The following SLC14A2 variants were observed in gnomAD, a reference collection of about 807,000 sequenced individuals.
SLC14A2 encodes the protein solute carrier family 14 member 2, also known as urea transporter 2.
A neutral mutation model predicts 104.6 loss-of-function variants in SLC14A2; 91 were observed. The ratio of observed to expected loss-of-function variants is 0.87; its 90% confidence interval spans 0.73 to 1.04. The LOEUF (loss-of-function observed/expected upper bound fraction) is 1.04, where lower values mean the gene tolerates loss of function less well. Ranked by LOEUF, SLC14A2 falls within the 50% of genes least tolerant of loss-of-function variation. The probability of loss-of-function intolerance (pLI) is 0.00; values close to 1 mark genes in which losing one functional copy is unlikely to be tolerated. For synonymous variants in SLC14A2, 476 were observed against 466.4 expected (o/e 1.02, Z -0.27); for missense variants, 1,189 against 1,156.0 (o/e 1.03, Z -0.41).
intron 1 of SLC14A2, among the ~76,000 whole-genome samples, chr18:45,303,505 G>A (rs1267496768): frequency 6.6e-6 from 1 of 152,176 alleles, no homozygotes; most frequent in Non-Finnish European, 1.5e-5. Context: ...GCAAGACAGG[G>A]CCTCATGTGG....
chr18:45,580,086 C>T (rs2044467855), intron 2 of SLC14A2, among the ~76,000 whole-genome samples: 1 of 151,982 alleles, frequency 6.6e-6, no homozygotes, highest in Admixed American at 6.6e-5. Context: ...GCCACAATAC[C>T]TCAATCCTTA....
At chr18:45,348,144 C>T (rs1008557098) in intron 1 of SLC14A2, among the ~76,000 whole-genome samples, 3 of 152,206 alleles carry the variant, frequency 2.0e-5, no homozygotes, top group African/African-American at 4.8e-5. Context: ...CTGCTTAACT[C>T]TTCTACCAGG....
In SLC14A2 at chr18:45,541,273, G is replaced by T. The variant is rs148119838; in HGVS notation, c.-35+57951G>T. 9.8e-4 allele frequency among the ~76,000 whole-genome samples: 149 copies of T among 152,348 alleles called. 1 individual carries two copies. Among genetic ancestry groups the T allele is most frequent in the African/African-American group, 3.2e-3 (135 of 41,586 alleles). On this transcript the variant is annotated intron_variant, in intron 2 of 20. Transcript: ENST00000586448. Reference sequence around the variant, plus strand: ...TATCTGCTGCCACTACTGACAGCATGATGAGCCCCTTATCAAGATTCGACT... The same window carrying T: ...TATCTGCTGCCACTACTGACAGCATTATGAGCCCCTTATCAAGATTCGACT...
intron 2 of SLC14A2, among the ~76,000 whole-genome samples, chr18:45,588,677 G>A (rs2044603212): frequency 1.3e-5 from 2 of 152,226 alleles, no homozygotes; most frequent in Non-Finnish European, 2.9e-5. Flanking sequence ...AAAGCAGTGT[G>A]CAGGCAGGGG....
At chr18:45,486,517 T>C (rs1159764692) in intron 2 of SLC14A2, among the ~76,000 whole-genome samples, 3 of 152,212 alleles carry the variant, frequency 2.0e-5, no homozygotes, top group Non-Finnish European at 4.4e-5. Context: ...AATAAAAATG[T>C]ATTTGCAGGT....
Position 45,566,621 on chromosome 18 carries a change from ATAAT to A in SLC14A2, c.-34-58006_-34-58003del, listed in dbSNP as rs1449163593. ...CTTCCTTGTGAGTGTCCCTCCACTG[ATAAT>A]TAAGGCTTCAGCCAGCCAGTTGCTG... On this transcript the variant is annotated intron_variant, in intron 2 of 20. Coordinates refer to the SLC14A2 transcript ENST00000586448. 5.3e-5 allele frequency among the ~76,000 whole-genome samples: 8 copies of A among 152,194 alleles called. No homozygotes were observed. In the East Asian group the frequency reaches 1.5e-3, roughly 29 times the overall value.
intron 2 of SLC14A2, among the ~76,000 whole-genome samples, chr18:45,567,423 T>C (rs1314732891): frequency 2.0e-5 from 3 of 152,214 alleles, no homozygotes; most frequent in South Asian, 4.1e-4. Context: ...GCAAGCTGGC[T>C]GGACAGCCCA....
chr18:45,216,486 C>G (rs1475020225), intron 1 of SLC14A2, among the ~76,000 whole-genome samples: 3 of 152,170 alleles, frequency 2.0e-5, no homozygotes, highest in Non-Finnish European at 4.4e-5. Context: ...TATGTTGGTG[C>G]TCACAGCTGA....
chr18:45,616,704 G>A (rs2045077023), intron 1 of SLC14A2, among the ~76,000 whole-genome samples: 1 of 152,176 alleles, frequency 6.6e-6, no homozygotes, highest in Admixed American at 6.5e-5. Context: ...CTGAATAATT[G>A]CAACTGATGG....
intron 1 of SLC14A2, among the ~76,000 whole-genome samples, chr18:45,339,628 A>G (rs1004010232): frequency 6.6e-6 from 1 of 152,200 alleles, no homozygotes; most frequent in Admixed American, 6.5e-5. Context: ...CGCAAACAAT[A>G]TAACTACATG....
intron 1 of SLC14A2, among the ~76,000 whole-genome samples, chr18:45,282,976 C>T (rs2084778058): frequency 6.6e-6 from 1 of 152,176 alleles, no homozygotes; most frequent in East Asian, 1.9e-4. Flanking sequence ...ACTAGAAATA[C>T]CATCAACAGT....
intron 1 of SLC14A2, among the ~76,000 whole-genome samples, chr18:45,338,186 GT>G (rs569351884): frequency 6.6e-6 from 1 of 151,952 alleles, no homozygotes; most frequent in African/African-American, 2.4e-5. Context: ...TATTCCACCT[GT>G]TTTTTTGTTT....
intron 2 of SLC14A2, among the ~76,000 whole-genome samples, chr18:45,545,009 G>A (rs1159022460): frequency 6.6e-6 from 1 of 151,902 alleles, no homozygotes; most frequent in African/African-American, 2.4e-5. Flanking sequence ...GGTCAGGCTG[G>A]TCTCGAACTC....
In SLC14A2 at chr18:45,408,138, G is replaced by A. The variant is rs139322646; in HGVS notation, c.-124-75095G>A. Among the ~76,000 whole-genome samples, 1,043 of 152,164 alleles carry A rather than the reference G, an allele frequency of 6.9e-3. 9 individuals are homozygous for A. The highest frequency in any genetic ancestry group is 0.024 in the African/African-American group (982 of 41,518). On this transcript the variant is annotated intron_variant, in intron 1 of 20. Coordinates refer to the SLC14A2 transcript ENST00000586448. ...GGTTGAAATCCATTTGGTGGAAATC[G>A]GGCCGCCTTTCTTTGAGCTGAGGTA... is the stretch of plus-strand genomic sequence containing the variant.
intron 5 of SLC14A2, among the ~76,000 whole-genome samples, chr18:45,635,963 G>A (rs2045411087): frequency 6.6e-6 from 1 of 152,216 alleles, no homozygotes; most frequent in Non-Finnish European, 1.5e-5. Context: ...AGCAGACAGG[G>A]TGTGGATTTT....
chr18:45,486,741 G>A (rs2087613559), intron 2 of SLC14A2, among the ~76,000 whole-genome samples: 1 of 152,170 alleles, frequency 6.6e-6, no homozygotes, highest in Non-Finnish European at 1.5e-5. Flanking sequence ...GCTTCCTGCA[G>A]CATCTCAAAT....
At chr18:45,508,041 CAA>C (rs1219576492) in intron 2 of SLC14A2, among the ~76,000 whole-genome samples, 1 of 152,214 alleles carries the variant, frequency 6.6e-6, no homozygotes, top group Non-Finnish European at 1.5e-5. Flanking sequence ...CTGCTTATCT[CAA>C]AGGTAAGAAA....
intron 1 of SLC14A2, among the ~76,000 whole-genome samples, chr18:45,221,331 A>C (rs1489118087): frequency 6.6e-6 from 1 of 152,176 alleles, no homozygotes; most frequent in Non-Finnish European, 1.5e-5. Context: ...TGCATTATTA[A>C]AGATAAAAAG....
intron 1 of SLC14A2, among the ~76,000 whole-genome samples, chr18:45,617,439 C>A (rs1445248710): frequency 6.6e-6 from 1 of 152,156 alleles, no homozygotes; most frequent in Non-Finnish European, 1.5e-5. Flanking sequence ...CCCCACCCAG[C>A]CTGACCCGCT....
Sources: allele counts gnomAD v4.1 joint callset (sites outside exome capture counted in the v4.1 genomes callset), GRCh38; gene constraint gnomAD v4.1.1; transcripts MANE v1.5; gene names NCBI Gene and HGNC (gene_info 2026-07-23, HGNC 2026-07-21).